BAZ2B: variants seen among roughly 807,000 people sequenced by gnomAD.
The protein encoded by BAZ2B is bromodomain adjacent to zinc finger domain 2B.
In BAZ2B, 91 loss-of-function variants were observed where a neutral mutation model predicts 246.0. The ratio of observed to expected loss-of-function variants is 0.37; its 90% CI spans 0.31 to 0.44. The LOEUF (loss-of-function observed/expected upper bound fraction) is 0.44, where lower values mean the gene tolerates loss of function less well. Among genes scored for constraint, BAZ2B ranks in the 20% least tolerant of loss-of-function variants. The pLI is 1.00. For missense variants in BAZ2B, 2,332 were observed against 2,533.7 expected (o/e 0.92, Z 1.71); for synonymous variants, 855 against 860.0 (o/e 0.99, Z 0.10).
chr2:159,326,649 G>A (rs958604447), intron 34 of BAZ2B, among the ~76,000 whole-genome samples: 2 of 143,742 alleles, frequency 1.4e-5, no homozygotes, highest in Non-Finnish European at 3.2e-5. Context: ...AAATATTTGT[G>A]AGGCCCTGTT....
intron 2 of BAZ2B, among the ~76,000 whole-genome samples, chr2:159,547,425 T>C (rs951470263): frequency 2.0e-5 from 3 of 152,196 alleles, no homozygotes; most frequent in Non-Finnish European, 4.4e-5. Context: ...TTTCTGTGTA[T>C]ATTTATATAA....
At chr2:159,348,884 T>C (rs751067382) in intron 29 of BAZ2B, 51 bp from the exon 30 acceptor site, 4 of 1,558,342 alleles carry the variant, frequency 2.6e-6, no homozygotes, top group Admixed American at 4.2e-5. Context: ...GAATAGGAAA[T>C]GACACCATGG....
Position 159,374,756 on chromosome 2 carries a change from A to G in BAZ2B, c.4006-3T>C. On this transcript the variant is annotated splice_polypyrimidine_tract_variant and splice_region_variant and intron_variant, in intron 25 of 36. Transcript: ENST00000392783. Reference sequence around the variant, plus strand: ...CTTGCTGCTTGGTCACCTTCATCCTATACATAAGAAAATACAGTGTCATTT... The same window carrying G: ...CTTGCTGCTTGGTCACCTTCATCCTGTACATAAGAAAATACAGTGTCATTT... The G allele has an allele frequency of 1.2e-6, 2 of 1,609,662 alleles. No homozygotes were observed. Among genetic ancestry groups the G allele is most frequent in the Non-Finnish European group, 1.7e-6 (2 of 1,176,626 alleles).
intron 13 of BAZ2B, among the ~76,000 whole-genome samples, chr2:159,419,236 T>G (rs988422522): frequency 5.3e-5 from 8 of 152,130 alleles, no homozygotes; most frequent in African/African-American, 1.9e-4. Context: ...TTAAGTTAGC[T>G]TCAGTGTAAG....
At chr2:159,704,742 A>C in the BAZ2B span, among the ~76,000 whole-genome samples, 4 of 151,704 alleles carry the variant, frequency 2.6e-5, no homozygotes, top group South Asian at 8.3e-4. Flanking sequence ...TCGGCTTCCC[A>C]AAGTGTTAGG....
intron 13 of BAZ2B, among the ~76,000 whole-genome samples, chr2:159,422,237 A>G (rs1476091266): frequency 6.6e-6 from 1 of 152,240 alleles, no homozygotes; most frequent in Non-Finnish European, 1.5e-5. Context: ...AGAAACAGAA[A>G]AAACTATTCT....
rs541915482 is a variant in BAZ2B at position 159,395,592 on chromosome 2, T to G, written c.3075+177A>C. 36 of 481,748 alleles carry G rather than the reference T, an allele frequency of 7.5e-5. 1 individual carries two copies. The highest frequency in any genetic ancestry group is 7.2e-4 in the African/African-American group (36 of 49,970). 29.8% of individuals were successfully genotyped at this position (481,748 alleles called of 1,614,324 possible). On this transcript the variant is annotated intron_variant, in intron 20 of 36. Transcript: ENST00000392783. Reference sequence around the variant, plus strand: ...AAACTAACACATACATTGGAACTCTTCCTACATTCTTTTATGTTCTAACAC... The same window carrying G: ...AAACTAACACATACATTGGAACTCTGCCTACATTCTTTTATGTTCTAACAC...
At chr2:159,530,433 A>G (rs2085255318) in intron 2 of BAZ2B, among the ~76,000 whole-genome samples, 2 of 152,222 alleles carry the variant, frequency 1.3e-5, no homozygotes, top group Non-Finnish European at 2.9e-5. Flanking sequence ...ATTTTTCAAA[A>G]TATCTCAGTA....
At chr2:159,573,154 T>C (rs955235406) in intron 1 of BAZ2B, among the ~76,000 whole-genome samples, 1 of 152,152 alleles carries the variant, frequency 6.6e-6, no homozygotes, top group Admixed American at 6.5e-5. Context: ...TAATTTCAGA[T>C]AAAATAGCAT....
chr2:159,446,666 A>AAATAAAAGTTG, intron 6 of BAZ2B, 116 bp downstream of exon 6: 1 of 926,188 alleles, frequency 1.1e-6, no homozygotes, highest in Admixed American at 2.7e-5. Context: ...GTATCTATAA[A>AAATAAAAGTTG]AATAAAAGTT....
chr2:159,336,765 T>C (rs1302479290), intron 33 of BAZ2B, among the ~76,000 whole-genome samples, 177 bp downstream of exon 33: 1 of 152,162 alleles, frequency 6.6e-6, no homozygotes, highest in African/African-American at 2.4e-5. Context: ...ATAACACATT[T>C]GAAAGGTTCC....
chr2:159,651,576 A>T, the BAZ2B span, among the ~76,000 whole-genome samples: 18 of 152,170 alleles, frequency 1.2e-4, no homozygotes, highest in Admixed American at 1.2e-3. Context: ...TTAAAACATT[A>T]TTGAAATATA....
rs558624022 is a variant in BAZ2B, at chr2:159,464,807, C to T, written c.146-11006G>A. ...TTCATAGATTAAAATGCTAAAAATA[C>T]GGAATATTTTATATACATTTCTATA... On this transcript the variant is annotated intron_variant, in intron 3 of 36. Coordinates refer to ENST00000392783, the MANE Select transcript of BAZ2B (RefSeq NM_013450.4). 174 of 152,094 alleles carry T rather than the reference C, an allele frequency of 1.1e-3. 1 individual carries two copies. The highest frequency in any genetic ancestry group is 3.7e-3 in the African/African-American group (153 of 41,486). 9.4% of individuals were successfully genotyped at this position (152,094 alleles called of 1,614,324 possible). A position where few individuals can be genotyped will look rare whatever the true frequency, so the allele number is the denominator to read the frequency against.
At chr2:159,367,981 T>C (rs953148382) in intron 27 of BAZ2B, among the ~76,000 whole-genome samples, 7 of 152,242 alleles carry the variant, frequency 4.6e-5, no homozygotes, top group African/African-American at 9.6e-5. Context: ...TAGTTTCTAC[T>C]AGTTTGACAC....
At chr2:159,625,614 G>T in the BAZ2B span, among the ~76,000 whole-genome samples, 6 of 152,168 alleles carry the variant, frequency 3.9e-5, no homozygotes, top group African/African-American at 1.4e-4. Flanking sequence ...ATCCTTCACT[G>T]ACAAGCAAAT....
intron 2 of BAZ2B, among the ~76,000 whole-genome samples, chr2:159,495,484 CAAAAAAAAAAAAAAAA>C (rs56365046): frequency 2.7e-5 from 2 of 73,220 alleles, no homozygotes; most frequent in Admixed American, 2.2e-4. Context: ...GACTCCGTCT[CAAAAAAAAAAAAAAAA>C]AAAAAAAAAA....
At chr2:159,686,390 G>A in the BAZ2B span, among the ~76,000 whole-genome samples, 433 of 152,122 alleles carry the variant, frequency 2.8e-3, no homozygotes, top group Middle Eastern at 0.044. Context: ...TTGCCTCTGC[G>A]GTATTATTTC....
chr2:159,604,091 G>A (rs1445021425), intron 1 of BAZ2B, among the ~76,000 whole-genome samples: 1 of 131,580 alleles, frequency 7.6e-6, no homozygotes, highest in Non-Finnish European at 1.7e-5. Flanking sequence ...TTAAAGAAAA[G>A]TCAAAGGACA....
At chr2:159,584,637 G>T (rs1212908636) in intron 1 of BAZ2B, among the ~76,000 whole-genome samples, 3 of 152,142 alleles carry the variant, frequency 2.0e-5, no homozygotes. Context: ...GATATGAGAG[G>T]AGTTAAGATA....
Sources: gnomAD v4.1 joint callset for allele counts (sites outside exome capture counted in the v4.1 genomes callset) on GRCh38, gnomAD v4.1.1 for gene constraint, MANE v1.5 for transcripts, NCBI Gene and HGNC (gene_info 2026-07-23, HGNC 2026-07-21) for gene names.